The following DCDC1 variants were observed in gnomAD, a reference collection of about 807,000 sequenced individuals.
DCDC1 encodes the protein doublecortin domain-containing protein 1.
A neutral mutation model predicts 178.3 loss-of-function variants in DCDC1; 200 were observed. The ratio of observed to expected loss-of-function variants is 1.12; its 90% CI spans 1.00 to 1.26. DCDC1 has a LOEUF of 1.26. DCDC1 is among the 50% of genes most tolerant of loss of function. The probability of loss-of-function intolerance (pLI) is 0.00; values close to 1 mark genes in which losing one functional copy is unlikely to be tolerated. For missense variants in DCDC1, 1,983 were observed against 1,749.2 expected, an observed-to-expected ratio of 1.13 and a Z score of -2.38; for synonymous variants, 690 against 604.8, an observed-to-expected ratio of 1.14 and a Z score of -2.07.
chr11:31,314,876 A>C (rs993876204), intron 3 of DCDC1, among the ~76,000 whole-genome samples: 1 of 152,198 alleles, frequency 6.6e-6, no homozygotes, highest in South Asian at 2.1e-4. Flanking sequence ...AAAGATCTTA[A>C]ACATGGTGGA....
intron 20 of DCDC1, among the ~76,000 whole-genome samples, chr11:31,006,971 G>A (rs1951881319): frequency 6.6e-6 from 1 of 152,112 alleles, no homozygotes. Context: ...ACTAAGTCTG[G>A]CCATTTTATT....
intron 7 of DCDC1, among the ~76,000 whole-genome samples, chr11:31,276,052 A>C (rs1234721719): frequency 6.6e-6 from 1 of 152,196 alleles, no homozygotes; most frequent in Non-Finnish European, 1.5e-5. Flanking sequence ...CTGTCATACT[A>C]TGGTTGGTGC....
chr11:31,314,718 G>C (rs1948965072), intron 3 of DCDC1, among the ~76,000 whole-genome samples: 2 of 148,032 alleles, frequency 1.4e-5, no homozygotes, highest in African/African-American at 5.3e-5. Flanking sequence ...TATCTGATTA[G>C]GTCAGGCACA....
intron 18 of DCDC1, among the ~76,000 whole-genome samples, chr11:31,070,796 G>T (rs1055878366): frequency 6.6e-6 from 1 of 152,088 alleles, no homozygotes; most frequent in Non-Finnish European, 1.5e-5. Context: ...CTCCCAAGGG[G>T]TTCCCTTCAT....
chr11:31,366,358 G>A lies in DCDC1; in HGVS notation c.-125+3339C>T, dbSNP rs146082868. 1.0e-3 allele frequency among the ~76,000 whole-genome samples: 154 copies of A among 152,334 alleles called. 1 individual carries two copies. Among genetic ancestry groups the A allele is most frequent in the African/African-American group, 3.4e-3 (142 of 41,580 alleles). ...ATTAGAACTCCAGAGAATGAGGCAA[G>A]ATAGCTGGTTCTTAGTTTCTCTGGA... On this transcript the variant is annotated intron_variant, in intron 1 of 38. Transcript: ENST00000684477.
intron 38 of DCDC1, among the ~76,000 whole-genome samples, chr11:30,872,043 A>G (rs1941631030): frequency 6.6e-6 from 1 of 152,004 alleles, no homozygotes; most frequent in Non-Finnish European, 1.5e-5. Context: ...ATATATATAA[A>G]GTGCACTTAT....
intron 20 of DCDC1, among the ~76,000 whole-genome samples, chr11:31,017,669 C>T (rs551085549): frequency 3.3e-5 from 5 of 152,110 alleles, no homozygotes; most frequent in Middle Eastern, 3.4e-3. Context: ...AGCCTTGGCC[C>T]CCTGGGCTCA....
chr11:30,989,567 C>A (rs1000120476), intron 20 of DCDC1, among the ~76,000 whole-genome samples: 2 of 152,144 alleles, frequency 1.3e-5, no homozygotes, highest in African/African-American at 2.4e-5. Context: ...ATTTAAAGTA[C>A]ATTTAACTAG....
At chr11:31,260,262 C>T (rs1485148179) in intron 8 of DCDC1, among the ~76,000 whole-genome samples, 1 of 152,168 alleles carries the variant, frequency 6.6e-6, no homozygotes, top group African/African-American at 2.4e-5. Flanking sequence ...ATAATTTGAT[C>T]TTGAAATTTG....
intron 20 of DCDC1, among the ~76,000 whole-genome samples, chr11:30,957,442 A>C (rs1017591606): frequency 6.6e-6 from 1 of 152,110 alleles, no homozygotes; most frequent in Non-Finnish European, 1.5e-5. Flanking sequence ...ACCGAAGTCA[A>C]AGGTCTTTTC....
intron 9 of DCDC1, among the ~76,000 whole-genome samples, chr11:31,200,576 T>C (rs1156564798): frequency 6.6e-6 from 1 of 152,122 alleles, no homozygotes; most frequent in Non-Finnish European, 1.5e-5. Flanking sequence ...CTATAACTAA[T>C]GTAAAAATTA....
chr11:30,998,808 G>A (rs1000786639), intron 20 of DCDC1, among the ~76,000 whole-genome samples: 1 of 152,050 alleles, frequency 6.6e-6, no homozygotes, highest in African/African-American at 2.4e-5. Context: ...CCCTGAGTGT[G>A]GGCTGAACTA....
chr11:30,992,353 C>CTACT (rs1951035537), intron 20 of DCDC1: 2 of 152,182 alleles, frequency 1.3e-5, no homozygotes, highest in East Asian at 3.9e-4. Context: ...CCAAGACAGG[C>CTACT]TACTTAACAG....
At chr11:31,264,559 T>C (rs1945013116) in intron 8 of DCDC1, among the ~76,000 whole-genome samples, 1 of 152,146 alleles carries the variant, frequency 6.6e-6, no homozygotes, top group African/African-American at 2.4e-5. Context: ...GTTGAGCAAA[T>C]TACCTAACTT....
At chr11:31,343,920 A>AAAATAAATAAATAAAT (rs57107732) in intron 1 of DCDC1, among the ~76,000 whole-genome samples, 4 of 149,284 alleles carry the variant, frequency 2.7e-5, no homozygotes, top group African/African-American at 9.9e-5. Context: ...ACTCCATCTC[A>AAAATAAATAAATAAAT]AAATAAATAA....
intron 20 of DCDC1, among the ~76,000 whole-genome samples, chr11:31,041,726 C>T (rs1364461286): frequency 1.3e-5 from 2 of 152,092 alleles, no homozygotes. Flanking sequence ...AACTGAAACA[C>T]AAGAGAAAAA....
intron 20 of DCDC1, among the ~76,000 whole-genome samples, chr11:30,994,706 C>G (rs1224486124): frequency 3.6e-5 from 5 of 140,340 alleles, no homozygotes; most frequent in Non-Finnish European, 7.6e-5. Context: ...TAATATATAA[C>G]ATATAGTATA....
chr11:30,881,855 TA>T (rs753308499), intron 36 of DCDC1, among the ~76,000 whole-genome samples: 102 of 152,208 alleles, frequency 6.7e-4, no homozygotes, highest in Non-Finnish European at 1.1e-3. Flanking sequence ...GAGGCCTTAT[TA>T]AACTTCTCTC....
chr11:30,987,296 C>T (rs932178797), intron 20 of DCDC1, among the ~76,000 whole-genome samples: 2 of 152,212 alleles, frequency 1.3e-5, no homozygotes, highest in Non-Finnish European at 1.5e-5. Context: ...GGATTACAGA[C>T]GTGAGCCACC....
Sources: gnomAD v4.1 joint callset for allele counts (sites outside exome capture counted in the v4.1 genomes callset) on GRCh38, gnomAD v4.1.1 for gene constraint, MANE v1.5 for transcripts, NCBI Gene and HGNC (gene_info 2026-07-23, HGNC 2026-07-21) for gene names.